The following WLS variants were observed in gnomAD, a reference collection of about 807,000 sequenced individuals.
WLS encodes the protein Wnt ligand secretion mediator.
Under a neutral mutation model 62.8 loss-of-function variants are expected in WLS, and 23 were observed. The observed-to-expected ratio is 0.37, with a 90% confidence interval of 0.26 to 0.52. The LOEUF (loss-of-function observed/expected upper bound fraction) is 0.52. WLS is among the 20% of genes least tolerant of loss of function. The pLI is 0.92. For missense variants in WLS, 615 were observed against 697.3 expected (o/e 0.88, Z 1.33); for synonymous variants, 246 against 244.1 (o/e 1.01, Z -0.07).
At chr1:68,205,400 TAA>T (rs113045894) in intron 1 of WLS, among the ~76,000 whole-genome samples, 1 of 152,012 alleles carries the variant, frequency 6.6e-6, no homozygotes. Context: ...GTAATTTTTT[TAA>T]AAAAAACTGC....
intron 2 of WLS, among the ~76,000 whole-genome samples, chr1:68,170,160 C>CTTTTTTTCTTTTTTTTTTT (rs1553131191): frequency 1.7e-4 from 15 of 86,784 alleles, no homozygotes; most frequent in Non-Finnish European, 3.0e-4. Flanking sequence ...GCTACTATTT[C>CTTTTTTTCTTTTTTTTTTT]TTTTTTTTTT....
intron 1 of WLS, among the ~76,000 whole-genome samples, chr1:68,195,360 A>C (rs1230009615): frequency 6.6e-6 from 1 of 152,212 alleles, no homozygotes; most frequent in Admixed American, 6.5e-5. Flanking sequence ...CATCTCTTAG[A>C]TGGCAATAAT....
intron 2 of WLS, chr1:68,162,447 A>G: frequency 6.2e-7 from 1 of 1,613,898 alleles, no homozygotes; most frequent in Non-Finnish European, 8.5e-7. Flanking sequence ...GCTCGATCCC[A>G]TCCTGCAAGT....
At chr1:68,126,580 A>C (rs907530133) in intron 11 of WLS, among the ~76,000 whole-genome samples, 1 of 152,204 alleles carries the variant, frequency 6.6e-6, no homozygotes, top group Admixed American at 6.5e-5. Flanking sequence ...GAGTCAGCTC[A>C]CTGCTGATAT....
At chr1:68,168,810 C>T (rs1020657218) in intron 2 of WLS, among the ~76,000 whole-genome samples, 9 of 152,232 alleles carry the variant, frequency 5.9e-5, no homozygotes, top group African/African-American at 1.7e-4. Flanking sequence ...GTTATTTATG[C>T]CAGCATTCCT....
intron 11 of WLS, among the ~76,000 whole-genome samples, chr1:68,129,438 T>A (rs1174129894): frequency 2.0e-5 from 3 of 152,238 alleles, no homozygotes; most frequent in African/African-American, 7.2e-5. Context: ...ACAGGAGAGC[T>A]GTTATAAATT....
intron 1 of WLS, among the ~76,000 whole-genome samples, chr1:68,213,483 G>A (rs1011447050): frequency 2.0e-5 from 3 of 150,780 alleles, no homozygotes; most frequent in African/African-American, 7.3e-5. Flanking sequence ...GAAAGACGAG[G>A]AAGCATGAGG....
In WLS at chr1:68,172,208, G is replaced by A. The variant is rs1012496896; in HGVS notation, c.380-12961C>T. 2.0e-4 allele frequency among the ~76,000 whole-genome samples: 30 copies of A among 152,108 alleles called. 1 individual carries two copies. Among genetic ancestry groups the A allele is most frequent in the African/African-American group, 6.0e-4 (25 of 41,476 alleles). On this transcript the variant is annotated intron_variant, in intron 2 of 11. Transcript: ENST00000262348. ...GATAGTATTAGGAGAAATACCTAAT[G>A]TAGATGACGGGTTGATGGGTACAGC... is the stretch of plus-strand genomic sequence containing the variant.
intron 1 of WLS, among the ~76,000 whole-genome samples, chr1:68,204,203 G>T (rs1336817221): frequency 6.6e-6 from 1 of 151,380 alleles, no homozygotes; most frequent in South Asian, 2.1e-4. Context: ...TTCCTTGATT[G>T]ATTATTCAAA....
At chr1:68,223,356 G>A (rs1167245956) in intron 1 of WLS, among the ~76,000 whole-genome samples, 2 of 152,180 alleles carry the variant, frequency 1.3e-5, no homozygotes, top group Admixed American at 6.5e-5. Flanking sequence ...TAGAAAGCAG[G>A]ATGACCTCCT....
chr1:68,114,123 G>A (rs545104423), intron 11 of WLS, among the ~76,000 whole-genome samples: 11 of 152,302 alleles, frequency 7.2e-5, no homozygotes, highest in African/African-American at 2.6e-4. Context: ...GATGGAGTGA[G>A]CCCATGGGGT....
intron 6 of WLS, among the ~76,000 whole-genome samples, chr1:68,149,185 A>G (rs971632894): frequency 6.6e-6 from 1 of 152,162 alleles, no homozygotes; most frequent in Non-Finnish European, 1.5e-5. Flanking sequence ...AAGAAAAGGA[A>G]GGAATGTAGA....
intron 11 of WLS, chr1:68,127,281 G>A (rs1208007616): frequency 5.4e-6 from 1 of 184,142 alleles, no homozygotes; most frequent in Non-Finnish European, 1.2e-5. Context: ...ATTGGGGAAG[G>A]AGCCATGTCT....
chr1:68,110,657 G>GTC lies in WLS; in HGVS notation c.1511-11906_1511-11905dup, dbSNP rs55965951. Among the ~76,000 whole-genome samples the GTC allele has an allele frequency of 4.4e-3, 507 of 114,048 alleles. 2 individuals are homozygous for GTC. Among genetic ancestry groups the GTC allele is most frequent in the South Asian group, 0.016 (54 of 3,326 alleles). 74.8% of individuals were successfully genotyped at this position (114,048 alleles called of 152,430 possible). A position where few individuals can be genotyped will look rare whatever the true frequency, so the allele number is the denominator to read the frequency against. On this transcript the variant is annotated intron_variant, in intron 11 of 11. Transcript: ENST00000354777. The stretch of plus-strand genomic sequence containing the variant: ...GACTAAGAAGCCCCCAAAAATCTCT[G>GTC]TCTCTCTCTCTCTCTCTCTCTCTCT...
rs1646730888 is a variant in WLS at position 68,144,696 on chromosome 1, A to G, written c.1279-44T>C. ...TAGTTTAATACTCCATCAGCTACCA[A>G]TCCTTTTCTCACTATGTAAATCTAT... On this transcript the variant is annotated intron_variant, in intron 9 of 11. Transcript: ENST00000262348. 15 of 1,476,378 alleles carry G rather than the reference A, an allele frequency of 1.0e-5. No homozygotes were observed. The East Asian group carries it at 3.4e-4, about 34-fold the overall frequency. The allele number at this position is 1,476,378 out of a possible 1,614,324, so 91.5% of individuals were successfully genotyped here.
chr1:68,217,279 T>C (rs955217979), intron 1 of WLS, among the ~76,000 whole-genome samples: 2 of 152,230 alleles, frequency 1.3e-5, no homozygotes, highest in African/African-American at 4.8e-5. Flanking sequence ...GGTGACCTCA[T>C]GTGGTGTTAA....
At chr1:68,181,828 A>T (rs1191521911) in intron 2 of WLS, among the ~76,000 whole-genome samples, 2 of 152,036 alleles carry the variant, frequency 1.3e-5, no homozygotes, top group East Asian at 3.9e-4. Flanking sequence ...AACCACAAAC[A>T]CTCTTACTTC....
chr1:68,168,661 A>T (rs1186301558), intron 2 of WLS, among the ~76,000 whole-genome samples: 1 of 152,200 alleles, frequency 6.6e-6, no homozygotes, highest in Non-Finnish European at 1.5e-5. Flanking sequence ...TGGGAAAAAA[A>T]TTAAAGAGGT....
At chr1:68,162,463 T>C in intron 2 of WLS, 1 of 1,613,514 alleles carries the variant, frequency 6.2e-7, no homozygotes, top group Non-Finnish European at 8.5e-7. Flanking sequence ...CAAGTAGGGG[T>C]CATAAAATAT....
Sources: allele counts gnomAD v4.1 joint callset (sites outside exome capture counted in the v4.1 genomes callset), GRCh38; gene constraint gnomAD v4.1.1; transcripts MANE v1.5; gene names NCBI Gene and HGNC (gene_info 2026-07-23, HGNC 2026-07-21).